Variants in PLD5 observed in about 807,000 individuals in gnomAD.
PLD5 encodes phospholipase D family member 5.
A neutral mutation model predicts 61.1 loss-of-function variants in PLD5; 36 were observed. The observed-to-expected ratio is 0.59, with a 90% CI of 0.45 to 0.78. The LOEUF is 0.78. Ranked by LOEUF, PLD5 falls within the 30% of genes least tolerant of loss-of-function variation. The pLI is 0.00. For synonymous variants in PLD5, 243 were observed against 242.8 expected (o/e 1.00, Z -0.01); for missense variants, 515 against 644.4 (o/e 0.80, Z 2.17).
intron 1 of PLD5, among the ~76,000 whole-genome samples, chr1:242,519,089 G>A (rs1022968791): frequency 3.9e-5 from 6 of 152,320 alleles, no homozygotes; most frequent in African/African-American, 9.6e-5. Context: ...GCATTTGCCA[G>A]ACTCTTTGTT....
chr1:242,486,520 C>G (rs549592926), intron 1 of PLD5, among the ~76,000 whole-genome samples: 33 of 152,346 alleles, frequency 2.2e-4, no homozygotes, highest in African/African-American at 7.7e-4. Flanking sequence ...GATACCATCT[C>G]ACACCAGTTA....
intron 5 of PLD5, among the ~76,000 whole-genome samples, chr1:242,218,068 T>A (rs935801773): frequency 6.6e-6 from 1 of 152,194 alleles, no homozygotes; most frequent in Non-Finnish European, 1.5e-5. Context: ...TACAGAGACA[T>A]CTTTCATGAA....
At chr1:242,368,557 G>C (rs1661464286) in intron 1 of PLD5, among the ~76,000 whole-genome samples, 1 of 152,068 alleles carries the variant, frequency 6.6e-6, no homozygotes, top group African/African-American at 2.4e-5. Flanking sequence ...ATCTACATAG[G>C]GCATGAAAAA....
intron 5 of PLD5, among the ~76,000 whole-genome samples, chr1:242,163,136 T>A (rs1424759625): frequency 1.0e-4 from 13 of 129,888 alleles, no homozygotes; most frequent in African/African-American, 2.0e-4. Flanking sequence ...TCTTTTATTT[T>A]CTTTTCTTTT....
intron 5 of PLD5, among the ~76,000 whole-genome samples, chr1:242,143,624 G>A (rs776108087): frequency 6.6e-6 from 1 of 152,132 alleles, no homozygotes; most frequent in African/African-American, 2.4e-5. Context: ...AAACCCCGAG[G>A]AGGGAAAGTC....
chr1:242,513,442 TAAAAC>T (rs1402445780), intron 1 of PLD5, among the ~76,000 whole-genome samples: 2 of 152,178 alleles, frequency 1.3e-5, no homozygotes, highest in African/African-American at 4.8e-5. Flanking sequence ...GACAGCCAAT[TAAAAC>T]AAAACAGTAT....
chr1:242,322,943 T>C (rs943809010), intron 2 of PLD5, among the ~76,000 whole-genome samples: 4 of 152,188 alleles, frequency 2.6e-5, no homozygotes, highest in African/African-American at 9.7e-5. Context: ...TATATTACTG[T>C]TTATTATCTG....
chr1:242,503,407 A>T (rs1668620373), intron 1 of PLD5, among the ~76,000 whole-genome samples: 1 of 152,234 alleles, frequency 6.6e-6, no homozygotes, highest in South Asian at 2.1e-4. Context: ...GAAGCCGAGC[A>T]GATGCCAGTG....
intron 1 of PLD5, among the ~76,000 whole-genome samples, chr1:242,378,429 T>C (rs1384147513): frequency 1.3e-5 from 2 of 152,188 alleles, no homozygotes; most frequent in Admixed American, 6.5e-5. Context: ...GTTCTGTGGA[T>C]GGATGGTGGC....
At chr1:242,207,654 C>T (rs1042132105) in intron 5 of PLD5, among the ~76,000 whole-genome samples, 1 of 149,218 alleles carries the variant, frequency 6.7e-6, no homozygotes, top group Non-Finnish European at 1.5e-5. Flanking sequence ...CCATCAACAC[C>T]TTGTCTTTTT....
chr1:242,481,101 G>A (rs1176784220), intron 1 of PLD5, among the ~76,000 whole-genome samples: 4 of 152,114 alleles, frequency 2.6e-5, no homozygotes, highest in African/African-American at 9.7e-5. Context: ...GGCCGAATAG[G>A]AACTGCTCCA....
intron 2 of PLD5, among the ~76,000 whole-genome samples, chr1:242,328,414 C>T (rs1658951729): frequency 1.3e-5 from 2 of 151,820 alleles, no homozygotes; most frequent in South Asian, 2.1e-4. Context: ...GTGTTCTACA[C>T]GTTTTCTATA....
chr1:242,173,207 C>T (rs532520106), intron 5 of PLD5, among the ~76,000 whole-genome samples: 94 of 152,288 alleles, frequency 6.2e-4, no homozygotes, highest in African/African-American at 2.0e-3. Flanking sequence ...TCAGTAAAGT[C>T]TCAGGATACA....
intron 4 of PLD5, among the ~76,000 whole-genome samples, chr1:242,231,505 GT>G (rs1671299034): frequency 6.6e-6 from 1 of 152,174 alleles, no homozygotes; most frequent in East Asian, 1.9e-4. Flanking sequence ...CCAATCTGCT[GT>G]GATTCTGAGA....
intron 1 of PLD5, among the ~76,000 whole-genome samples, chr1:242,502,799 G>A (rs1032809143): frequency 2.0e-5 from 3 of 152,060 alleles, no homozygotes; most frequent in African/African-American, 7.2e-5. Flanking sequence ...AGTGGCTCAC[G>A]CCTGTAATCC....
rs181551327 is a variant in PLD5 at position 242,124,773 on chromosome 1, G to A, written c.736-108C>T. 3 of 861,376 alleles carry A rather than the reference G, an allele frequency of 3.5e-6. No individual in the cohort carries two copies. The East Asian group carries it at 8.0e-5, about 23-fold the overall frequency. The allele number at this position is 861,376 out of a possible 1,614,324, so 53.4% of individuals were successfully genotyped here. ...AGGTAGTTGTGACATCTTTTTTCTT[G>A]CATTTGAAGTAAGTAGATATAGTTA... On this transcript the variant is annotated intron_variant, in intron 5 of 9. Coordinates refer to ENST00000536534, the MANE Select transcript of PLD5 (RefSeq NM_001372062.1).
At chr1:242,100,567 C>T in intron 9 of PLD5, 101 bp downstream of exon 9, 2 of 814,888 alleles carry the variant, frequency 2.5e-6, no homozygotes, top group Non-Finnish European at 4.1e-6. Context: ...GCAGTGGTTC[C>T]CAAGGCCTTG....
intron 1 of PLD5, among the ~76,000 whole-genome samples, chr1:242,502,569 T>C (rs1488672329): frequency 1.3e-5 from 2 of 152,180 alleles, no homozygotes; most frequent in African/African-American, 4.8e-5. Context: ...TTTTTTCAAA[T>C]CATTTAACAA....
chr1:242,504,525 G>A (rs1369499839), intron 1 of PLD5, among the ~76,000 whole-genome samples: 1 of 152,040 alleles, frequency 6.6e-6, no homozygotes, highest in Non-Finnish European at 1.5e-5. Flanking sequence ...TTAATCACAG[G>A]GCAATTATCA....
Sources: gnomAD v4.1 joint callset for allele counts (sites outside exome capture counted in the v4.1 genomes callset) on GRCh38, gnomAD v4.1.1 for gene constraint, MANE v1.5 for transcripts, NCBI Gene and HGNC (gene_info 2026-07-23, HGNC 2026-07-21) for gene names.